Variants in PRKG1 observed in about 807,000 individuals in gnomAD.
The protein encoded by PRKG1 is cGMP-dependent protein kinase 1.
In PRKG1, 35 loss-of-function variants were observed where a neutral mutation model predicts 88.1. That is an observed-to-expected ratio of 0.40 (90% CI 0.30 to 0.53). The LOEUF (loss-of-function observed/expected upper bound fraction) is 0.53, where lower values mean the gene tolerates loss of function less well. Among genes scored for constraint, PRKG1 ranks in the 20% least tolerant of loss-of-function variants. The pLI is 0.59. For missense variants in PRKG1, 540 were observed against 839.8 expected (o/e 0.64, Z 4.41); for synonymous variants, 303 against 292.5 (o/e 1.04, Z -0.37).
chr10:51,350,943 G>T (rs1170261029), intron 2 of PRKG1, among the ~76,000 whole-genome samples: 2 of 152,070 alleles, frequency 1.3e-5, no homozygotes, highest in South Asian at 4.2e-4. Context: ...AGGCCCTGGT[G>T]TGTGATGTTC....
intron 2 of PRKG1, among the ~76,000 whole-genome samples, chr10:51,301,048 C>T (rs1387018464): frequency 6.6e-6 from 1 of 152,082 alleles, no homozygotes; most frequent in African/African-American, 2.4e-5. Context: ...CCAGTTAACT[C>T]TCATGTCGGT....
intron 7 of PRKG1, among the ~76,000 whole-genome samples, chr10:52,125,580 G>A (rs1456496458): frequency 6.6e-6 from 1 of 152,084 alleles, no homozygotes; most frequent in African/African-American, 2.4e-5. Context: ...GCCCTCAATT[G>A]GAACACGTTT....
At chr10:51,320,080 C>G (rs139854146) in intron 2 of PRKG1, 16 of 173,784 alleles carry the variant, frequency 9.2e-5, no homozygotes, top group South Asian at 6.1e-4. Context: ...AGATCGGCAG[C>G]CTTCAGAAAC....
chr10:51,173,774 TA>T (rs1203631987), intron 2 of PRKG1, among the ~76,000 whole-genome samples: 35 of 151,850 alleles, frequency 2.3e-4, no homozygotes, highest in Middle Eastern at 3.4e-3. Flanking sequence ...TAAAAGGAGC[TA>T]AAAAAATAAT....
intron 2 of PRKG1, among the ~76,000 whole-genome samples, chr10:51,156,805 A>G (rs527991748): frequency 6.6e-6 from 1 of 152,110 alleles, no homozygotes; most frequent in East Asian, 1.9e-4. Context: ...AATCTTCTCA[A>G]AATTTAGGTA....
chr10:51,744,805 G>C (rs902263471), intron 3 of PRKG1, among the ~76,000 whole-genome samples: 13 of 152,154 alleles, frequency 8.5e-5, no homozygotes, highest in African/African-American at 2.7e-4. Context: ...AGCTGAACAT[G>C]TTTGGTGGCT....
Position 51,251,066 on chromosome 10 carries a change from A to G in PRKG1, c.478+97736A>G, listed in dbSNP as rs113445401. Among the ~76,000 whole-genome samples, 515 of 151,912 alleles carry G rather than the reference A, an allele frequency of 3.4e-3. 5 individuals are homozygous for G. The highest frequency in any genetic ancestry group is 5.6e-3 in the Non-Finnish European group (383 of 67,802). ...TGTGATATTATGTCTTAAATAAGGG[A>G]TAGTTTTTCTGACTGCTTCACTGAT... On this transcript the variant is annotated intron_variant, in intron 2 of 17. Coordinates refer to ENST00000373980, the MANE Select transcript of PRKG1 (RefSeq NM_006258.4).
intron 3 of PRKG1, among the ~76,000 whole-genome samples, chr10:51,593,633 C>CATGGTAA (rs1838367208): frequency 6.6e-6 from 1 of 152,108 alleles, no homozygotes; most frequent in South Asian, 2.1e-4. Context: ...GTAAAGGCAT[C>CATGGTAA]AGAGTCTACC....
At position 51,075,049 on chromosome 10, in the gene PRKG1, G is replaced by A. The variant is rs1843912105; in HGVS notation, c.311+148G>A. On this transcript the variant is annotated intron_variant, in intron 1 of 17. Coordinates refer to ENST00000373980, the MANE Select transcript of PRKG1 (RefSeq NM_006258.4). ...TTTCATTTTAACGGGCACTTCTTGCGGGGCTGTGCACGTTTCTCAGAGCCA... is the reference window on the plus strand; with the variant it reads ...TTTCATTTTAACGGGCACTTCTTGCAGGGCTGTGCACGTTTCTCAGAGCCA... 4.1e-6 allele frequency: 5 copies of A among 1,211,260 alleles called. No individual in the cohort carries two copies. The Admixed American group carries it at 1.2e-4, about 28-fold the overall frequency. The allele number at this position is 1,211,260 out of a possible 1,614,324, so 75.0% of individuals were successfully genotyped here.
rs1395703530 is a variant in PRKG1, at chr10:51,299,620, C to A, written c.478+146290C>A. 4 of 468,346 alleles carry A rather than the reference C, an allele frequency of 8.5e-6. No homozygotes were observed. In the East Asian group the frequency reaches 2.8e-4, roughly 33 times the overall value. The allele number at this position is 468,346 out of a possible 1,614,324, so 29.0% of individuals were successfully genotyped here. On this transcript the variant is annotated intron_variant, in intron 2 of 17. Coordinates refer to ENST00000373980, the MANE Select transcript of PRKG1 (RefSeq NM_006258.4). ...CATGGTGCCTTCTCCTTGGGAAAAACAGAGAAGGCACTATGAGATTTAGAA... is the reference window on the plus strand; with the variant it reads ...CATGGTGCCTTCTCCTTGGGAAAAAAAGAGAAGGCACTATGAGATTTAGAA...
At chr10:51,258,121 C>T (rs996154223) in intron 2 of PRKG1, among the ~76,000 whole-genome samples, 2 of 152,076 alleles carry the variant, frequency 1.3e-5, no homozygotes, top group Admixed American at 1.3e-4. Flanking sequence ...CTAATCGGGT[C>T]CATTTCTTGA....
chr10:51,689,451 T>C (rs1325497677), intron 3 of PRKG1, among the ~76,000 whole-genome samples: 1 of 152,158 alleles, frequency 6.6e-6, no homozygotes, highest in African/African-American at 2.4e-5. Context: ...ATGATAAATA[T>C]AACATGGGCA....
intron 2 of PRKG1, among the ~76,000 whole-genome samples, chr10:51,424,963 A>G (rs1838532859): frequency 6.6e-6 from 1 of 152,050 alleles, no homozygotes; most frequent in Non-Finnish European, 1.5e-5. Flanking sequence ...TTAATATTCT[A>G]CTTACACTTT....
chr10:51,978,436 CTTTTTT>C (rs34946662), intron 5 of PRKG1, among the ~76,000 whole-genome samples: 1 of 134,328 alleles, frequency 7.4e-6, no homozygotes. Context: ...CATTCGGGCT[CTTTTTT>C]TTTTTTTTTT....
intron 1 of PRKG1, among the ~76,000 whole-genome samples, chr10:51,139,232 A>T (rs1845768344): frequency 6.6e-6 from 1 of 152,174 alleles, no homozygotes; most frequent in Non-Finnish European, 1.5e-5. Context: ...CGCATTTTTA[A>T]ATGATTTTTA....
intron 3 of PRKG1, among the ~76,000 whole-genome samples, chr10:51,782,623 G>C (rs996496801): frequency 6.6e-6 from 1 of 152,126 alleles, no homozygotes; most frequent in African/African-American, 2.4e-5. Flanking sequence ...TGTGTTGTGG[G>C]AGGGACCTGG....
chr10:51,218,781 A>C (rs1381340838), intron 2 of PRKG1, among the ~76,000 whole-genome samples: 1 of 151,984 alleles, frequency 6.6e-6, no homozygotes, highest in East Asian at 1.9e-4. Flanking sequence ...TTATTGATTG[A>C]TAACGGTTAG....
chr10:51,054,671 G>A (rs1180648909), intron 1 of PRKG1, among the ~76,000 whole-genome samples: 2 of 152,136 alleles, frequency 1.3e-5, no homozygotes, highest in African/African-American at 4.8e-5. Context: ...ACAGATTTTA[G>A]TGAACCTTTC....
chr10:51,972,445 G>A (rs1310621986), intron 5 of PRKG1, among the ~76,000 whole-genome samples: 2 of 152,100 alleles, frequency 1.3e-5, no homozygotes, highest in Non-Finnish European at 2.9e-5. Context: ...GCTGAATCAT[G>A]TCAAATCCAC....
Sources: gnomAD v4.1 joint callset for allele counts (sites outside exome capture counted in the v4.1 genomes callset) on GRCh38, gnomAD v4.1.1 for gene constraint, MANE v1.5 for transcripts, NCBI Gene and HGNC (gene_info 2026-07-23, HGNC 2026-07-21) for gene names.